The following OPLAH variants were observed in gnomAD, a reference collection of about 807,000 sequenced individuals.
OPLAH encodes 5-oxoprolinase.
Under a neutral mutation model 122.8 loss-of-function variants are expected in OPLAH, and 103 were observed. The ratio of observed to expected loss-of-function variants is 0.84; its 90% CI spans 0.71 to 0.99. OPLAH has a LOEUF of 0.99. OPLAH is among the 50% of genes least tolerant of loss of function. The pLI, the probability that OPLAH is intolerant of heterozygous loss-of-function variation, is 0.00. For missense variants in OPLAH, 1,902 were observed against 1,836.5 expected, an observed-to-expected ratio of 1.04 and a Z score of -0.65; for synonymous variants, 875 against 796.0, an observed-to-expected ratio of 1.10 and a Z score of -1.67.
rs1554758027 is a variant in OPLAH at position 144,052,844 on chromosome 8, G to A, written c.3075C>T (p.Asn1025=). Residue 1025 remains asparagine (N), a synonymous_variant, in exon 22 of 27, where the codon AAC becomes AAT. Coordinates refer to ENST00000618853, the MANE Select transcript of OPLAH (RefSeq NM_017570.5). Reference sequence around the variant, plus strand: ...CGGACAGGGTTACGGCCCGCGGTGCGTTGAGATTACCAAACACCTCCGGCC... The same window carrying A: ...CGGACAGGGTTACGGCCCGCGGTGCATTGAGATTACCAAACACCTCCGGCC... ...GTGPEVFGNL[N]APRAVTLSAL... 3.2e-6 allele frequency: 5 copies of A among 1,555,570 alleles called. No individual in the cohort carries two copies. The highest frequency in any genetic ancestry group is 4.3e-6 in the Non-Finnish European group (5 of 1,150,312).
At chr8:144,063,540 C>G (rs782521066), upstream of OPLAH, among the ~76,000 whole-genome samples, 1 of 152,222 alleles carries the variant, frequency 6.6e-6, no homozygotes, top group Non-Finnish European at 1.5e-5. This position sits in a 1 kb window ranked among gnomAD's most constrained non-coding sequence, Gnocchi z 4.2. Context: ...CTCCCTCGCC[C>G]GCTCAGGCTC....
chr8:144,057,635 G>C lies in OPLAH; in HGVS notation c.1235C>G (p.Pro412Arg). 2 of 1,602,650 alleles carry C rather than the reference G, an allele frequency of 1.2e-6. No homozygotes were observed. The highest frequency in any genetic ancestry group is 1.7e-6 in the Non-Finnish European group (2 of 1,174,202). The change falls in exon 10 of 27, where the codon CCG becomes CGG. Residue 412 changes from proline (P) to arginine (R), a missense_variant. Transcript: ENST00000618853. ...AGGGGAAAGTGGTTGGTTCTCTCCC[G>C]GCCCAAAAATGCAGGGGAAGGAGGC... is the stretch of plus-strand genomic sequence containing the variant. Reference protein sequence around the residue: ...LPASFPCIFGPGENQPLSPEA... With the variant: ...LPASFPCIFGRGENQPLSPEA...
At chr8:144,050,689 G>C, downstream of OPLAH, 1 of 985,572 alleles carries the variant, frequency 1.0e-6, no homozygotes, top group Non-Finnish European at 1.2e-6. Flanking sequence ...GCAGCCCTGG[G>C]CCCTGGGTAT....
chr8:144,054,488 G>A, intron 19 of OPLAH, 73 bp downstream of exon 19: 1 of 1,461,956 alleles, frequency 6.8e-7, no homozygotes. Flanking sequence ...CCACGGTCCA[G>A]CCAGGCCTGC....
At position 144,051,375 on chromosome 8, in the gene OPLAH, G is replaced by A. The variant is rs1554757597; in HGVS notation, c.3818C>T (p.Pro1273Leu). ...ATACTCATAGACGCTGCCGTGCTCG[G>A]GAAAGGCCAGTGCTTGCGGGGGCGA... ...PGSPPQALAF[P>L]EHGSVYEYRR... is the part of the protein sequence containing the mutation. Residue 1273 changes from proline to leucine, a missense_variant, in exon 27 of 27, where the codon CCC (proline) becomes CTC (leucine). Transcript: ENST00000618853. 2 of 1,608,680 alleles carry A rather than the reference G, an allele frequency of 1.2e-6. No homozygotes were observed. The highest frequency in any genetic ancestry group is 1.7e-6 in the Non-Finnish European group (2 of 1,178,288).
chr8:144,056,949 T>C lies in OPLAH; in HGVS notation c.1705A>G (p.Arg569Gly). The C allele has an allele frequency of 6.4e-7, 1 of 1,571,314 alleles. No individual in the cohort carries two copies. Among genetic ancestry groups the C allele is most frequent in the Non-Finnish European group, 8.6e-7 (1 of 1,161,612 alleles). ...VDALQAQGFPRSQISTESFLH... is the reference protein window; with the variant it reads ...VDALQAQGFPGSQISTESFLH... ...GTCCAGGGCACCCTGGGAGCCCACCTGGGGAAGCCCTGGGCCTGCAGAGCA... is the reference window on the plus strand; with the variant it reads ...GTCCAGGGCACCCTGGGAGCCCACCCGGGGAAGCCCTGGGCCTGCAGAGCA... The change falls in exon 12 of 27, where the codon AGG (arginine) becomes GGG (glycine). Residue 569 changes from arginine (R) to glycine (G), a missense_variant and splice_region_variant. By Grantham distance (125) the Arg-to-Gly change is moderately radical. Coordinates refer to ENST00000618853, the MANE Select transcript of OPLAH (RefSeq NM_017570.5).
At chr8:144,061,621 C>A (rs1276206555), upstream of OPLAH, among the ~76,000 whole-genome samples, 1 of 152,224 alleles carries the variant, frequency 6.6e-6, no homozygotes, top group South Asian at 2.1e-4. Flanking sequence ...AGCGCCATGG[C>A]GGTTTACCAG....
chr8:144,052,037 G>T lies in OPLAH; in HGVS notation c.3501C>A (p.Gly1167=). The change falls in exon 25 of 27, where the codon GGC becomes GGA. Residue 1167 remains glycine (G), a synonymous_variant. Transcript: ENST00000618853. The part of the protein sequence containing the change: ...VILRRFELRR[G]SGGRGRFRGG... The stretch of plus-strand genomic sequence containing the variant: ...CTCGGAAGCGGCCTCTGCCCCCCGA[G>T]CCCCGCCGCAGCTCGAAGCGGCGCA... 1 of 1,589,874 alleles carries T rather than the reference G, an allele frequency of 6.3e-7. No individual in the cohort carries two copies. Among genetic ancestry groups the T allele is most frequent in the Non-Finnish European group, 8.5e-7 (1 of 1,176,278 alleles).
rs1410539916 is a variant in OPLAH at position 144,052,258 on chromosome 8, C to T, written c.3372G>A (p.Ala1124=). The change falls in exon 24 of 27, where the codon GCG becomes GCA. Residue 1124 remains alanine, a synonymous_variant. Coordinates refer to ENST00000618853, the MANE Select transcript of OPLAH (RefSeq NM_017570.5). ...MGYYETVAGG[A]GAGPSWHGRS... ...GCCCGTGCCAGCTGGGACCCGCGCC[C>T]GCGCCGCCCGCCACCGTCTCGTAGT... is the stretch of plus-strand genomic sequence containing the variant. 4.5e-6 allele frequency: 7 copies of T among 1,539,740 alleles called. No individual in the cohort carries two copies. In the Admixed American group the frequency reaches 5.9e-5, roughly 13 times the overall value.
Position 144,056,360 on chromosome 8 carries a change from G to A in OPLAH, c.1983+25C>T, listed in dbSNP as rs1554759066. The A allele has an allele frequency of 3.1e-6, 5 of 1,596,950 alleles. No homozygotes were observed. The South Asian group carries it at 4.5e-5, about 14-fold the overall frequency. On this transcript the variant is annotated intron_variant, in intron 14 of 26. Transcript: ENST00000618853. Reference sequence around the variant, plus strand: ...TCCCGGTGCCCCATGGGTGCTGTCAGGCTGGCACAGGCAGGACCACCAACC... The same window carrying A: ...TCCCGGTGCCCCATGGGTGCTGTCAAGCTGGCACAGGCAGGACCACCAACC...
Position 144,052,095 on chromosome 8 carries a change from G to C in OPLAH, c.3462-19C>G, listed in dbSNP as rs1453643163. 1.3e-6 allele frequency: 2 copies of C among 1,569,734 alleles called. No homozygotes were observed. The highest frequency in any genetic ancestry group is 1.7e-6 in the Non-Finnish European group (2 of 1,163,810). On this transcript the variant is annotated intron_variant, in intron 24 of 26. Transcript: ENST00000618853. Reference sequence around the variant, plus strand: ...CGGGTACCTGCGAGGGCGAGGACGAGGGCAAAGACTCAGCGTGGCCCGAGC... The same window carrying C: ...CGGGTACCTGCGAGGGCGAGGACGACGGCAAAGACTCAGCGTGGCCCGAGC...
In OPLAH at chr8:144,058,715, C is replaced by G. The variant is rs1835593310; in HGVS notation, c.588-24G>C. On this transcript the variant is annotated intron_variant, in intron 5 of 26. Coordinates refer to ENST00000618853, the MANE Select transcript of OPLAH (RefSeq NM_017570.5). The stretch of plus-strand genomic sequence containing the variant: ...ACCTATGACAAAAACCCAGTGGCAC[C>G]TCGTCTCCCACCAGGCCCGGCACCT... 3 of 1,581,236 alleles carry G rather than the reference C, an allele frequency of 1.9e-6. No individual in the cohort carries two copies. In the African/African-American group the frequency reaches 4.0e-5, roughly 21 times the overall value.
intron 15 of OPLAH, 103 bp downstream of exon 15, chr8:144,056,044 C>G (rs1587558530): frequency 2.0e-6 from 3 of 1,504,328 alleles, no homozygotes; most frequent in South Asian, 1.3e-5. Flanking sequence ...TGGTGGGATA[C>G]AGAGTCCTGC....
chr8:144,062,973 C>G (rs1346396327), upstream of OPLAH, among the ~76,000 whole-genome samples: 1 of 152,052 alleles, frequency 6.6e-6, no homozygotes, highest in Non-Finnish European at 1.5e-5. Flanking sequence ...CAACCCCCAC[C>G]CACCCAGGCT....
chr8:144,063,292 T>C (rs971985989), upstream of OPLAH, among the ~76,000 whole-genome samples: 1 of 152,078 alleles, frequency 6.6e-6, no homozygotes, highest in African/African-American at 2.4e-5. This position sits in a 1 kb window ranked among gnomAD's most constrained non-coding sequence, Gnocchi z 4.2. Context: ...CCAGAAGTCC[T>C]GTTACTTTCA....
chr8:144,052,741 C>A (rs782563263), intron 22 of OPLAH, 25 bp downstream of exon 22: 6 of 1,558,656 alleles, frequency 3.8e-6, no homozygotes, highest in Non-Finnish European at 4.3e-6. Context: ...CTGGGGCCCC[C>A]CCTCGCGCAC....
Position 144,058,388 on chromosome 8 carries a change from A to G in OPLAH, c.800T>C (p.Phe267Ser). Residue 267 changes from phenylalanine (F) to serine (S), a missense_variant, in exon 7 of 27, where the codon TTC (phenylalanine) becomes TCC (serine). Transcript: ENST00000618853. Reference protein sequence around the residue: ...QGQLKDVQVLFMRSDGGLAPM... With the variant: ...QGQLKDVQVLSMRSDGGLAPM... Reference sequence around the variant, plus strand: ...CGCCAGGCCGCCATCGGAGCGCATGAACAACACCTGCACATCCTGCGAGCG... The same window carrying G: ...CGCCAGGCCGCCATCGGAGCGCATGGACAACACCTGCACATCCTGCGAGCG... 1.3e-6 allele frequency: 2 copies of G among 1,593,830 alleles called. No homozygotes were observed. The highest frequency in any genetic ancestry group is 1.7e-6 in the Non-Finnish European group (2 of 1,174,574).
downstream of OPLAH, chr8:144,051,069 G>T: frequency 7.5e-7 from 1 of 1,326,170 alleles, no homozygotes; most frequent in Non-Finnish European, 9.6e-7. Flanking sequence ...CGGGTGGCTG[G>T]GCCTGCGGCA....
In OPLAH at chr8:144,051,320, G is replaced by A. The variant is rs1835367741; in HGVS notation, c.*6C>T. 6.2e-7 allele frequency: 1 copy of A among 1,611,362 alleles called. No homozygotes were observed. Among genetic ancestry groups the A allele is most frequent in the African/African-American group, 1.3e-5 (1 of 74,860 alleles). ...GGAGACTTAAGGCATCTTTATTGCG[G>A]GATCCTCACACGGCCTCCTGGGCCC... On this transcript the variant is annotated 3_prime_UTR_variant, in exon 27 of 27. Transcript: ENST00000618853.
Sources: allele counts gnomAD v4.1 joint callset (sites outside exome capture counted in the v4.1 genomes callset), GRCh38; gene constraint gnomAD v4.1.1; non-coding constraint Gnocchi (gnomAD v3.1); transcripts MANE v1.5; gene names NCBI Gene and HGNC (gene_info 2026-07-23, HGNC 2026-07-21).